Variants in OXTR observed in about 807,000 individuals in gnomAD.
The protein encoded by OXTR is oxytocin receptor.
In OXTR, 19 loss-of-function variants were observed where a neutral mutation model predicts 23.9. The observed-to-expected ratio is 0.80, with a 90% CI of 0.56 to 1.17. OXTR has a LOEUF of 1.17. Among genes scored for constraint, OXTR ranks in the 50% most tolerant of loss-of-function variants. The pLI is 0.00. For missense variants in OXTR, 500 were observed against 550.7 expected (o/e 0.91, Z 0.92); for synonymous variants, 278 against 250.5 (o/e 1.11, Z -1.04).
the OXTR span, among the ~76,000 whole-genome samples, chr3:8,745,284 G>A: frequency 7.3e-4 from 111 of 152,280 alleles, no homozygotes; most frequent in African/African-American, 2.5e-3. The surrounding 1 kb of genome is among the most constrained non-coding windows in gnomAD (Gnocchi z 4.8). Context: ...CCAAGCAGAT[G>A]CCAGCACCAT....
downstream of OXTR, chr3:8,750,317 C>T (rs1484875581): frequency 1.3e-5 from 2 of 152,124 alleles, no homozygotes; most frequent in Non-Finnish European, 2.9e-5. Context: ...AGCAGTGAGC[C>T]ACATAGAGAA....
At chr3:8,763,981 C>T (rs1708549774) in intron 3 of OXTR, among the ~76,000 whole-genome samples, 1 of 152,016 alleles carries the variant, frequency 6.6e-6, no homozygotes, top group African/African-American at 2.4e-5. Flanking sequence ...GTTGAGGCAC[C>T]TAAATTTTTG....
rs1430458196 is a variant in OXTR, at chr3:8,767,743, G to A, written c.445C>T (p.Arg149Cys). 2.5e-6 allele frequency: 4 copies of A among 1,606,846 alleles called. No homozygotes were observed. The highest frequency in any genetic ancestry group is 2.5e-6 in the Non-Finnish European group (3 of 1,176,900). The change falls in exon 3 of 4, where the codon CGC (arginine) becomes TGC (cysteine). Residue 149 changes from arginine to cysteine, a missense_variant. Coordinates refer to ENST00000316793, the MANE Select transcript of OXTR (RefSeq NM_000916.4). ...LAICQPLRSLRRRTDRLAVLA... is the reference protein window; with the variant it reads ...LAICQPLRSLCRRTDRLAVLA... ...ACTGCCAGGCGGTCGGTGCGGCGGC[G>A]CAGCGAGCGCAGCGGCTGGCAGATG... is the stretch of plus-strand genomic sequence containing the variant.
chr3:8,758,210 C>A (rs889511669), intron 3 of OXTR, among the ~76,000 whole-genome samples: 1 of 152,118 alleles, frequency 6.6e-6, no homozygotes, highest in African/African-American at 2.4e-5. Context: ...GCCTGGCTTT[C>A]CTCAAGCCCC....
intron 3 of OXTR, among the ~76,000 whole-genome samples, chr3:8,759,525 A>C (rs1708444206): frequency 1.3e-5 from 2 of 152,242 alleles, no homozygotes; most frequent in African/African-American, 2.4e-5. Flanking sequence ...GGTCCTGATA[A>C]ATCAGCCACC....
chr3:8,745,556 G>A, downstream of OXTR: 1 of 1,614,184 alleles, frequency 6.2e-7, no homozygotes, highest in Non-Finnish European at 8.5e-7. The surrounding 1 kb of genome is among the most constrained non-coding windows in gnomAD (Gnocchi z 4.8). Flanking sequence ...CGCAGAGCCT[G>A]TGGGCACCTA....
At chr3:8,763,430 G>T (rs1708533326) in intron 3 of OXTR, among the ~76,000 whole-genome samples, 1 of 152,122 alleles carries the variant, frequency 6.6e-6, no homozygotes, top group African/African-American at 2.4e-5. Context: ...TAGAGACAGA[G>T]ACCCCAAATC....
Position 8,767,778 on chromosome 3 carries a change from C to A in OXTR, c.410G>T (p.Arg137Leu). ...TYLLLLMSLD[R>L]CLAICQPLRS... is the part of the protein sequence containing the mutation. ...CAGCGGCTGGCAGATGGCCAGGCAG[C>A]GGTCCAGGGACATGAGCAGCAGCAG... The change falls in exon 3 of 4, where the codon CGC becomes CTC. Residue 137 changes from arginine to leucine, a missense_variant. Transcript: ENST00000316793. 27 of 1,605,362 alleles carry A rather than the reference C, an allele frequency of 1.7e-5. No homozygotes were observed. The highest frequency in any genetic ancestry group is 2.3e-5 in the Non-Finnish European group (27 of 1,176,036).
Position 8,768,231 on chromosome 3 carries a change from G to T in OXTR, c.-44C>A. 7.9e-7 allele frequency: 1 copy of T among 1,268,624 alleles called. No homozygotes were observed. The highest frequency in any genetic ancestry group is 3.0e-5 in the South Asian group (1 of 33,268). The allele number at this position is 1,268,624 out of a possible 1,614,324, so 78.6% of individuals were successfully genotyped here. A position where few individuals can be genotyped will look rare whatever the true frequency, so the allele number is the denominator to read the frequency against. ...GCGCCCCGGCCTTCGAGCCCTTTAC[G>T]GCTTGGCGCGGCTGGGCCGGATCCG... On this transcript the variant is annotated 5_prime_UTR_variant, in exon 3 of 4. Transcript: ENST00000316793. This position sits in a 1 kb window ranked among gnomAD's most constrained non-coding sequence, Gnocchi z 5.4.
chr3:8,759,653 C>T (rs991795878), intron 3 of OXTR, among the ~76,000 whole-genome samples: 2 of 152,196 alleles, frequency 1.3e-5, no homozygotes, highest in African/African-American at 4.8e-5. Flanking sequence ...AGTTCGCCCT[C>T]AGATATGGTC....
At chr3:8,765,208 C>T (rs990150146) in intron 3 of OXTR, among the ~76,000 whole-genome samples, 21 of 152,190 alleles carry the variant, frequency 1.4e-4, no homozygotes, top group Admixed American at 7.9e-4. Flanking sequence ...CTTCGCTTCA[C>T]GGTACGTGTG....
Position 8,752,029 on chromosome 3 carries a change from AT to A in OXTR, c.*947del, listed in dbSNP as rs1326845063. On this transcript the variant is annotated 3_prime_UTR_variant, in exon 4 of 4. Transcript: ENST00000316793. The stretch of plus-strand genomic sequence containing the variant: ...TTTCCATTTATTTAAGCCTTCTTTA[AT>A]TTCTTTCCAATTTTGTAGTTTTCAG... 5.9e-5 allele frequency: 9 copies of A among 152,100 alleles called. No individual in the cohort carries two copies. Among genetic ancestry groups the A allele is most frequent in the Non-Finnish European group, 1.2e-4 (8 of 68,000 alleles). 9.4% of individuals were successfully genotyped at this position (152,100 alleles called of 1,614,324 possible).
intron 3 of OXTR, among the ~76,000 whole-genome samples, chr3:8,759,254 CA>C (rs1708439063): frequency 6.6e-6 from 1 of 152,222 alleles, no homozygotes; most frequent in South Asian, 2.1e-4. Context: ...TTTCAAATGA[CA>C]CTTCCCCTCT....
At chr3:8,759,002 C>T (rs998469637) in intron 3 of OXTR, among the ~76,000 whole-genome samples, 10 of 152,220 alleles carry the variant, frequency 6.6e-5, no homozygotes, top group Admixed American at 4.6e-4. Flanking sequence ...ATCTGATAGG[C>T]GCCACCTGTT....
intron 3 of OXTR, among the ~76,000 whole-genome samples, chr3:8,754,847 C>T (rs1708341893): frequency 6.6e-6 from 1 of 152,030 alleles, no homozygotes; most frequent in South Asian, 2.1e-4. Flanking sequence ...AATTGGTGCA[C>T]CTGTTGGAAC....
intron 3 of OXTR, among the ~76,000 whole-genome samples, chr3:8,764,926 C>A (rs1262621718): frequency 2.0e-5 from 3 of 152,220 alleles, no homozygotes; most frequent in African/African-American, 4.8e-5. Context: ...CAACACCCAC[C>A]CTTCCCTGTG....
rs978364233 is a variant in OXTR at position 8,750,830 on chromosome 3, T to C, written c.*2147A>G. 1 of 152,228 alleles carries C rather than the reference T, an allele frequency of 6.6e-6. No homozygotes were observed. Among genetic ancestry groups the C allele is most frequent in the South Asian group, 2.1e-4 (1 of 4,828 alleles). The allele number at this position is 152,228 out of a possible 1,614,324, so 9.4% of individuals were successfully genotyped here. ...CACTTTTTGGCTATTACAAATAATG[T>C]TGCTATGAACATTGGTGTACAAGTT... On this transcript the variant is annotated 3_prime_UTR_variant, in exon 4 of 4. Coordinates refer to ENST00000316793, the MANE Select transcript of OXTR (RefSeq NM_000916.4).
Position 8,752,989 on chromosome 3 carries a change from T to C in OXTR, c.1158A>G (p.Pro386=). 3 of 1,611,940 alleles carry C rather than the reference T, an allele frequency of 1.9e-6. No homozygotes were observed. Among genetic ancestry groups the C allele is most frequent in the Non-Finnish European group, 2.5e-6 (3 of 1,178,432 alleles). ...RSSSQRSCSQ[P]STA is the part of the protein sequence containing the mutation. ...CCTGGCTGGTGGGTCACGCCGTGGA[T>C]GGCTGGGAGCAGCTCCTCTGGCTGG... Residue 386 remains proline, a synonymous_variant, in exon 4 of 4, where the codon CCA becomes CCG. Coordinates refer to ENST00000316793, the MANE Select transcript of OXTR (RefSeq NM_000916.4).
At chr3:8,747,450 T>C (rs1368461502), downstream of OXTR, among the ~76,000 whole-genome samples, 3 of 152,214 alleles carry the variant, frequency 2.0e-5, no homozygotes, top group Non-Finnish European at 2.9e-5. Flanking sequence ...TCCCTATTCA[T>C]CTATCCACCC....
Sources: allele counts gnomAD v4.1 joint callset (sites outside exome capture counted in the v4.1 genomes callset), GRCh38; gene constraint gnomAD v4.1.1; non-coding constraint Gnocchi (gnomAD v3.1); transcripts MANE v1.5; gene names NCBI Gene and HGNC (gene_info 2026-07-23, HGNC 2026-07-21).